The following NPLOC4 variants were observed in gnomAD, a reference collection of about 807,000 sequenced individuals.
NPLOC4 encodes the protein NPL4 homolog, ubiquitin recognition factor, also known as nuclear protein localization protein 4 homolog.
Under a neutral mutation model 80.6 loss-of-function variants are expected in NPLOC4, and 18 were observed. The ratio of observed to expected loss-of-function variants is 0.22; its 90% CI spans 0.15 to 0.33. The LOEUF is 0.33. Ranked by LOEUF, NPLOC4 falls within the 10% of genes least tolerant of loss-of-function variation. The pLI, the probability that NPLOC4 is intolerant of heterozygous loss-of-function variation, is 1.00. For synonymous variants in NPLOC4, 313 were observed against 301.5 expected, an observed-to-expected ratio of 1.04 and a Z score of -0.39; for missense variants, 540 against 786.1, an observed-to-expected ratio of 0.69 and a Z score of 3.74.
intron 3 of NPLOC4, among the ~76,000 whole-genome samples, chr17:81,616,957 G>C (rs1257637513): frequency 6.6e-6 from 1 of 152,232 alleles, no homozygotes; most frequent in East Asian, 1.9e-4. Flanking sequence ...AGGCACCAAA[G>C]TCAGTGGCTC....
chr17:81,559,404 C>A lies in NPLOC4; in HGVS notation c.1682G>T (p.Gly561Val). The change falls in exon 17 of 17, where the codon GGG becomes GTG. Residue 561 changes from glycine to valine, a missense_variant. Gly to Val is a moderately radical substitution (Grantham distance 109). Transcript: ENST00000331134. ...TIEQLCSTVG[G>V]QLPGLHEYGA... ...GTACTCATGGAGACCTGGGAGCTGC[C>A]CGCCAACTGTGCCTGCAGGGTGGAA... The A allele has an allele frequency of 5.6e-6, 9 of 1,610,040 alleles. No individual in the cohort carries two copies. Among genetic ancestry groups the A allele is most frequent in the Non-Finnish European group, 7.6e-6 (9 of 1,178,370 alleles).
At position 81,604,612 on chromosome 17, in the gene NPLOC4, G is replaced by A. The variant is rs894831160; in HGVS notation, c.770C>T (p.Thr257Met). Reference sequence around the variant, plus strand: ...GCCAAGGGGAATGTCTTTGTGCTCCGTGTACCGTCCGTATAAGTACCCAAA... The same window carrying A: ...GCCAAGGGGAATGTCTTTGTGCTCCATGTACCGTCCGTATAAGTACCCAAA... Reference protein sequence around the residue: ...QHFGYLYGRYTEHKDIPLGIR... With the variant: ...QHFGYLYGRYMEHKDIPLGIR... Residue 257 changes from threonine (T) to methionine (M), a missense_variant, in exon 8 of 17, where the codon ACG (threonine) becomes ATG (methionine). By Grantham distance (81) the Thr-to-Met change is moderately conservative. Transcript: ENST00000331134. 5.0e-6 allele frequency: 8 copies of A among 1,613,764 alleles called. No homozygotes were observed. Among genetic ancestry groups the A allele is most frequent in the Non-Finnish European group, 5.9e-6 (7 of 1,179,800 alleles).
chr17:81,626,916 C>CT (rs1245386379), intron 2 of NPLOC4, among the ~76,000 whole-genome samples: 1 of 115,020 alleles, frequency 8.7e-6, no homozygotes, highest in Non-Finnish European at 1.7e-5. Flanking sequence ...ATAGTGAAAC[C>CT]TCGTCTCTAC....
intron 5 of NPLOC4, 190 bp from the exon 6 acceptor site, chr17:81,609,012 T>C: frequency 2.0e-6 from 1 of 495,480 alleles, no homozygotes; most frequent in Non-Finnish European, 3.6e-6. Flanking sequence ...TAATTAATTG[T>C]TTTTTGTTTG....
At chr17:81,635,357 T>A (rs1212055306) in intron 1 of NPLOC4, among the ~76,000 whole-genome samples, 2 of 126,620 alleles carry the variant, frequency 1.6e-5, no homozygotes, top group South Asian at 2.6e-4. Context: ...AAAATAAGGT[T>A]AAAAAAAAAA....
At chr17:81,602,977 A>AC (rs1267175254) in intron 8 of NPLOC4, among the ~76,000 whole-genome samples, 3 of 87,536 alleles carry the variant, frequency 3.4e-5, no homozygotes, top group African/African-American at 9.2e-5. Context: ...ATATATACAC[A>AC]AATACACACA....
chr17:81,597,558 G>A (rs2034947081), intron 9 of NPLOC4, among the ~76,000 whole-genome samples: 1 of 151,550 alleles, frequency 6.6e-6, no homozygotes, highest in South Asian at 2.1e-4. Flanking sequence ...GCCGAGGCGG[G>A]TGGATCACCC....
intron 1 of NPLOC4, among the ~76,000 whole-genome samples, chr17:81,633,210 G>GA (rs1470522281): frequency 6.6e-6 from 1 of 151,164 alleles, no homozygotes; most frequent in Non-Finnish European, 1.5e-5. Context: ...CAATACCCCA[G>GA]AAAAACGTTT....
Position 81,565,575 on chromosome 17 carries a change from C to T in NPLOC4, c.1599G>A (p.Arg533=). 3.2e-6 allele frequency: 5 copies of T among 1,554,894 alleles called. No homozygotes were observed. Among genetic ancestry groups the T allele is most frequent in the Non-Finnish European group, 4.3e-6 (5 of 1,150,132 alleles). Residue 533 remains arginine, a synonymous_variant, in exon 16 of 17, where the codon CGG becomes CGA. Coordinates refer to ENST00000331134, the MANE Select transcript of NPLOC4 (RefSeq NM_017921.4). ...DSISLLLEAV[R]TRNEELAQTW... is the part of the protein sequence containing the mutation. ...TCTGGGCGAGCTCCTCATTTCTGGT[C>T]CGCACGGCCTCCAGCAGCAAGCTGA...
intron 2 of NPLOC4, 114 bp downstream of exon 2, chr17:81,629,611 A>G (rs2035881215): frequency 1.3e-6 from 1 of 787,392 alleles, no homozygotes; most frequent in Admixed American, 2.1e-5. Flanking sequence ...GCAATGCAAG[A>G]GGCAATTTGG....
intron 16 of NPLOC4, chr17:81,560,696 CA>C (rs34450012): frequency 0.23 from 35,667 of 152,154 alleles, 4,482 homozygotes; most frequent in Admixed American, 0.3. Flanking sequence ...AACAAACAAA[CA>C]AACAACAACA....
In NPLOC4 at chr17:81,610,195, C is replaced by G; in HGVS notation, c.435+15G>C. 1.3e-6 allele frequency: 2 copies of G among 1,566,912 alleles called. No homozygotes were observed. Among genetic ancestry groups the G allele is most frequent in the Non-Finnish European group, 1.7e-6 (2 of 1,156,318 alleles). ...CCCCACACTGGCCCAGAACTTACTC[C>G]GCAGAGACTCTCACCTCTAGAGGGA... On this transcript the variant is annotated intron_variant, in intron 5 of 16. Transcript: ENST00000331134.
At chr17:81,594,234 C>G (rs1344632372) in intron 11 of NPLOC4, among the ~76,000 whole-genome samples, 1 of 127,844 alleles carries the variant, frequency 7.8e-6, no homozygotes, top group Non-Finnish European at 1.6e-5. Context: ...AAGACAGCGC[C>G]ACTGCAGTCC....
At chr17:81,612,060 G>A (rs538684491) in intron 4 of NPLOC4, among the ~76,000 whole-genome samples, 1 of 152,068 alleles carries the variant, frequency 6.6e-6, no homozygotes, top group East Asian at 1.9e-4. Flanking sequence ...ATCCAAGTTT[G>A]GAAAATACCT....
At chr17:81,595,371 T>G (rs2034872993) in intron 11 of NPLOC4, among the ~76,000 whole-genome samples, 2 of 148,920 alleles carry the variant, frequency 1.3e-5, no homozygotes. Context: ...GAGGCGGACG[T>G]TGCAGTGAGC....
At chr17:81,631,465 C>CCCT (rs1555689763) in intron 1 of NPLOC4, among the ~76,000 whole-genome samples, 13 of 95,282 alleles carry the variant, frequency 1.4e-4, no homozygotes, top group Non-Finnish European at 2.0e-4. Flanking sequence ...TTTTTTTTCC[C>CCCT]CCACGGCAAG....
At position 81,589,084 on chromosome 17, in the gene NPLOC4, G is replaced by T. The variant is rs1256372893; in HGVS notation, c.1141C>A (p.His381Asn). 6.2e-7 allele frequency: 1 copy of T among 1,612,494 alleles called. No individual in the cohort carries two copies. The highest frequency in any genetic ancestry group is 8.5e-7 in the Non-Finnish European group (1 of 1,179,316). The change falls in exon 12 of 17, where the codon CAC (histidine) becomes AAC (asparagine). Residue 381 changes from histidine to asparagine, a missense_variant. Transcript: ENST00000331134. ...TTGGACACCTGGTACCCTTCAAAGT[G>T]GACTTGGTTGTCAGGACCACCTGCA... ...VATGGPDNQV[H>N]FEGYQVSNQC...
chr17:81,562,999 A>C (rs1302107146), intron 16 of NPLOC4: 1 of 150,058 alleles, frequency 6.7e-6, no homozygotes, highest in Non-Finnish European at 1.5e-5. Context: ...CTGTAATCTC[A>C]GCACTTTGGG....
chr17:81,630,514 C>G (rs558390339), intron 1 of NPLOC4, among the ~76,000 whole-genome samples: 1 of 152,192 alleles, frequency 6.6e-6, no homozygotes, highest in East Asian at 1.9e-4. Context: ...CTCCGGGGCT[C>G]AAGTGATCCT....
Sources: gnomAD v4.1 joint callset for allele counts (sites outside exome capture counted in the v4.1 genomes callset) on GRCh38, gnomAD v4.1.1 for gene constraint, MANE v1.5 for transcripts, NCBI Gene and HGNC (gene_info 2026-07-23, HGNC 2026-07-21) for gene names.